The following STPG2 variants were observed in gnomAD, a reference collection of about 807,000 sequenced individuals.
The protein encoded by STPG2 is sperm-tail PG-rich repeat-containing protein 2.
In STPG2, 56 loss-of-function variants were observed where a neutral mutation model predicts 54.2. That is an observed-to-expected ratio of 1.03 (90% confidence interval 0.83 to 1.29). The LOEUF (loss-of-function observed/expected upper bound fraction) is 1.29, where lower values mean the gene tolerates loss of function less well. STPG2 is among the 50% of genes most tolerant of loss of function. The pLI, the probability that STPG2 is intolerant of heterozygous loss-of-function variation, is 0.00. For missense variants in STPG2, 596 were observed against 544.9 expected, an observed-to-expected ratio of 1.09 and a Z score of -0.93; for synonymous variants, 200 against 181.8, an observed-to-expected ratio of 1.10 and a Z score of -0.81.
intron 9 of STPG2, among the ~76,000 whole-genome samples, chr4:97,781,091 C>A (rs1726590771): frequency 6.6e-6 from 1 of 151,972 alleles, no homozygotes; most frequent in African/African-American, 2.4e-5. Context: ...CAGAGAAGAA[C>A]TGAAGGAGAT....
intron 10 of STPG2, among the ~76,000 whole-genome samples, chr4:97,662,027 C>T (rs1983166): frequency 0.59 from 89,486 of 151,930 alleles, 26,662 homozygotes; most frequent in South Asian, 0.68. Context: ...CTATGAACCT[C>T]GACACATAGG....
intron 10 of STPG2, among the ~76,000 whole-genome samples, chr4:97,641,722 ATATAGTAC>A (rs1480294063): frequency 6.6e-6 from 1 of 151,540 alleles, no homozygotes; most frequent in Non-Finnish European, 1.5e-5. Context: ...ACATACAAAT[ATATAGTAC>A]TATAATAAAA....
At chr4:98,120,974 C>T (rs372799508) in intron 3 of STPG2, among the ~76,000 whole-genome samples, 1 of 152,108 alleles carries the variant, frequency 6.6e-6, no homozygotes, top group Non-Finnish European at 1.5e-5. Context: ...GAAATTTTTG[C>T]CTGTGCCTAT....
intron 4 of STPG2, among the ~76,000 whole-genome samples, chr4:98,107,571 A>AG (rs34005204): frequency 0.39 from 59,630 of 151,318 alleles, 11,979 homozygotes; most frequent in Middle Eastern, 0.46. Flanking sequence ...GACAAGGTTG[A>AG]GAAGTAAAAC....
intron 8 of STPG2, among the ~76,000 whole-genome samples, chr4:97,875,908 G>A (rs965650272): frequency 6.6e-6 from 1 of 151,816 alleles, no homozygotes; most frequent in Non-Finnish European, 1.5e-5. Context: ...GGACATATTA[G>A]AAAGAGAGTT....
chr4:97,958,329 G>A (rs1208492665), intron 7 of STPG2, among the ~76,000 whole-genome samples: 1 of 151,348 alleles, frequency 6.6e-6, no homozygotes, highest in Non-Finnish European at 1.5e-5. Context: ...GAAAAGTAAA[G>A]AAAAAAACCA....
intron 8 of STPG2, among the ~76,000 whole-genome samples, chr4:97,872,683 G>A (rs1037833973): frequency 6.6e-6 from 1 of 151,210 alleles, no homozygotes; most frequent in Non-Finnish European, 1.5e-5. Flanking sequence ...AAACATGACA[G>A]ATCATAGGTT....
intron 8 of STPG2, among the ~76,000 whole-genome samples, chr4:97,915,608 T>A (rs1410683830): frequency 6.6e-6 from 1 of 151,942 alleles, no homozygotes; most frequent in East Asian, 1.9e-4. Context: ...AAGGTAGGTC[T>A]TAGAGGTCAG....
chr4:97,604,349 AAC>A (rs1461031147), intron 10 of STPG2, among the ~76,000 whole-genome samples: 1 of 151,758 alleles, frequency 6.6e-6, no homozygotes, highest in Non-Finnish European at 1.5e-5. Context: ...CATATGTCTA[AAC>A]AGACAATTGA....
At chr4:98,053,181 G>GA (rs1430110040) in intron 5 of STPG2, among the ~76,000 whole-genome samples, 2 of 151,976 alleles carry the variant, frequency 1.3e-5, no homozygotes, top group African/African-American at 2.4e-5. Context: ...AAAGGAATTT[G>GA]AAAAAATAAT....
chr4:97,879,529 C>G (rs755999774), intron 8 of STPG2, among the ~76,000 whole-genome samples: 1 of 152,128 alleles, frequency 6.6e-6, no homozygotes, highest in Non-Finnish European at 1.5e-5. Flanking sequence ...ATAAAGCCAT[C>G]AGATCTCATG....
At chr4:97,804,497 G>C (rs991751942) in intron 9 of STPG2, among the ~76,000 whole-genome samples, 1 of 151,996 alleles carries the variant, frequency 6.6e-6, no homozygotes, top group African/African-American at 2.4e-5. Flanking sequence ...ACAGAATAAG[G>C]ATATAAAGAA....
chr4:97,605,023 T>C (rs1488929852), intron 10 of STPG2, among the ~76,000 whole-genome samples: 1 of 151,814 alleles, frequency 6.6e-6, no homozygotes, highest in Admixed American at 6.6e-5. Flanking sequence ...CCTAAGACGC[T>C]GTATTAACCT....
At chr4:97,890,758 T>C (rs1730738148) in intron 8 of STPG2, among the ~76,000 whole-genome samples, 1 of 152,136 alleles carries the variant, frequency 6.6e-6, no homozygotes, top group South Asian at 2.1e-4. Context: ...TTTATCATTA[T>C]ACACTATATA....
chr4:97,677,015 C>T lies in STPG2; in HGVS notation c.1320+35684G>A, dbSNP rs1158747959. ...TTAGATAGCTATGTCAATTTAAAGC[C>T]TTAACAAATTTATAGTAGTAGTTTT... is the stretch of plus-strand genomic sequence containing the variant. On this transcript the variant is annotated intron_variant, in intron 10 of 10. Transcript: ENST00000295268. Among the ~76,000 whole-genome samples the T allele has an allele frequency of 3.3e-5, 5 of 152,020 alleles. No individual in the cohort carries two copies. In the East Asian group the frequency reaches 9.6e-4, roughly 29 times the overall value.
chr4:97,445,853 G>C (rs1170094728), intron 4 of STPG2, among the ~76,000 whole-genome samples: 1 of 152,146 alleles, frequency 6.6e-6, no homozygotes, highest in Admixed American at 6.5e-5. Flanking sequence ...AATCTCAGTA[G>C]TTTCCTCCTG....
chr4:97,533,389 A>AT (rs1731458588), intron 4 of STPG2, among the ~76,000 whole-genome samples: 1 of 151,824 alleles, frequency 6.6e-6, no homozygotes, highest in Admixed American at 6.6e-5. Context: ...ATCAAATTAC[A>AT]TTTTTTCTGT....
chr4:97,780,170 T>C (rs1026637313), intron 9 of STPG2, among the ~76,000 whole-genome samples: 2 of 100,356 alleles, frequency 2.0e-5, no homozygotes, highest in Non-Finnish European at 4.1e-5. Context: ...ATCAGTGTGC[T>C]GTATTCAGGA....
chr4:97,831,817 C>G (rs552868294), intron 9 of STPG2, among the ~76,000 whole-genome samples: 2 of 151,976 alleles, frequency 1.3e-5, no homozygotes, highest in Non-Finnish European at 2.9e-5. Context: ...AAGTCTAAAC[C>G]AGGAAGAAGT....
Sources: gnomAD v4.1 joint callset for allele counts (sites outside exome capture counted in the v4.1 genomes callset) on GRCh38, gnomAD v4.1.1 for gene constraint, MANE v1.5 for transcripts, NCBI Gene and HGNC (gene_info 2026-07-23, HGNC 2026-07-21) for gene names.